Variants in FBXO11 observed in about 807,000 individuals in gnomAD.
FBXO11 encodes the protein F-box only protein 11.
Under a neutral mutation model 117.0 loss-of-function variants are expected in FBXO11, and 13 were observed. That is an observed-to-expected ratio of 0.11 (90% CI 0.07 to 0.18). The LOEUF (loss-of-function observed/expected upper bound fraction) is 0.18, where lower values mean the gene tolerates loss of function less well. FBXO11 is among the 10% of genes least tolerant of loss of function. The pLI, the probability that FBXO11 is intolerant of heterozygous loss-of-function variation, is 1.00. For synonymous variants in FBXO11, 490 were observed against 380.5 expected (o/e 1.29, Z -3.35); for missense variants, 767 against 1,164.4 (o/e 0.66, Z 4.97).
chr2:47,887,195 T>G (rs115106737), intron 1 of FBXO11, among the ~76,000 whole-genome samples: 22,808 of 148,042 alleles, frequency 0.15, 1,860 homozygotes, highest in Non-Finnish European at 0.18. Context: ...TGAGGCAAGA[T>G]AATCACTTCA....
intron 1 of FBXO11, among the ~76,000 whole-genome samples, chr2:47,880,287 G>T (rs1483562421): frequency 6.6e-6 from 1 of 152,112 alleles, no homozygotes; most frequent in African/African-American, 2.4e-5. Context: ...TAATGTAATA[G>T]AATTTATCAT....
At chr2:47,892,971 G>A (rs893046988) in intron 1 of FBXO11, among the ~76,000 whole-genome samples, 2 of 151,904 alleles carry the variant, frequency 1.3e-5, no homozygotes, top group East Asian at 3.9e-4. Flanking sequence ...TGGTTCACAT[G>A]GTGAAACCCT....
At chr2:47,873,282 G>C (rs913091218) in intron 1 of FBXO11, among the ~76,000 whole-genome samples, 1 of 152,130 alleles carries the variant, frequency 6.6e-6, no homozygotes, top group Non-Finnish European at 1.5e-5. Flanking sequence ...TCTGTATCTG[G>C]TATTTCTCTC....
At chr2:47,897,673 G>T (rs555178967) in intron 1 of FBXO11, among the ~76,000 whole-genome samples, 2 of 148,380 alleles carry the variant, frequency 1.3e-5, no homozygotes, top group East Asian at 1.9e-4. Flanking sequence ...CTCCAGCCTG[G>T]GTGACAGAGT....
intron 1 of FBXO11, among the ~76,000 whole-genome samples, chr2:47,846,144 T>G (rs924454941): frequency 3.3e-5 from 5 of 152,186 alleles, no homozygotes; most frequent in Admixed American, 2.6e-4. Context: ...AGTTATGGTT[T>G]TGTGCCAACA....
intron 1 of FBXO11, among the ~76,000 whole-genome samples, chr2:47,864,460 G>A (rs1199273952): frequency 1.3e-5 from 2 of 152,104 alleles, no homozygotes; most frequent in African/African-American, 2.4e-5. Flanking sequence ...GGTGGTGCAT[G>A]CCTGTAATCT....
intron 1 of FBXO11, among the ~76,000 whole-genome samples, chr2:47,876,551 T>A (rs1298156775): frequency 6.6e-6 from 1 of 152,216 alleles, no homozygotes; most frequent in African/African-American, 2.4e-5. Flanking sequence ...TTATATTCCT[T>A]ATACATTCGG....
chr2:47,881,572 A>C (rs756724256), intron 1 of FBXO11, among the ~76,000 whole-genome samples: 1 of 152,136 alleles, frequency 6.6e-6, no homozygotes, highest in African/African-American at 2.4e-5. Context: ...TGTTTCTTTT[A>C]AAGTGCTGAA....
At chr2:47,809,746 A>ATAC in intron 19 of FBXO11, 39 bp from the exon 20 acceptor site, 1 of 1,353,772 alleles carries the variant, frequency 7.4e-7, no homozygotes, top group Non-Finnish European at 1.0e-6. Context: ...ACATCACTTT[A>ATAC]TACTGCTTCT....
chr2:47,898,166 G>T (rs1023231156), intron 1 of FBXO11, among the ~76,000 whole-genome samples: 1 of 152,248 alleles, frequency 6.6e-6, no homozygotes, highest in East Asian at 1.9e-4. Context: ...CTTATTCGGG[G>T]TGTTTAAAAA....
Position 47,839,077 on chromosome 2 carries a change from T to C in FBXO11, c.443-74A>G, listed in dbSNP as rs561516787. ...ATTATTTAAAGAACACAGTTTTCATTTTATCTAATGAATAGCTTTTTTTTT... is the reference window on the plus strand; with the variant it reads ...ATTATTTAAAGAACACAGTTTTCATCTTATCTAATGAATAGCTTTTTTTTT... On this transcript the variant is annotated intron_variant, in intron 3 of 22. Transcript: ENST00000403359. 68 of 1,480,458 alleles carry C rather than the reference T, an allele frequency of 4.6e-5. No individual in the cohort carries two copies. In the African/African-American group the frequency reaches 8.7e-4, roughly 19 times the overall value. 91.7% of individuals were successfully genotyped at this position (1,480,458 alleles called of 1,614,324 possible).
chr2:47,900,228 T>C (rs1269409618), intron 1 of FBXO11, among the ~76,000 whole-genome samples: 1 of 152,144 alleles, frequency 6.6e-6, no homozygotes, highest in East Asian at 1.9e-4. Context: ...AGGCTCTTTT[T>C]ACAGCTCCCA....
intron 1 of FBXO11, among the ~76,000 whole-genome samples, chr2:47,904,271 T>TCTC (rs1169705742): frequency 6.6e-6 from 1 of 152,148 alleles, no homozygotes; most frequent in Admixed American, 6.5e-5. Flanking sequence ...TCCTAACAAT[T>TCTC]CTCCTCCTCC....
chr2:47,829,344 G>A (rs370867517), intron 11 of FBXO11, among the ~76,000 whole-genome samples: 3 of 152,032 alleles, frequency 2.0e-5, no homozygotes, highest in East Asian at 3.9e-4. Context: ...GGATTCAAGC[G>A]ATTCTCTTGC....
intron 1 of FBXO11, among the ~76,000 whole-genome samples, chr2:47,852,371 C>G (rs1436778375): frequency 4.6e-5 from 7 of 152,132 alleles, no homozygotes; most frequent in Non-Finnish European, 1.0e-4. Flanking sequence ...ATCATCAGCT[C>G]TTTACCAGTC....
At chr2:47,837,220 A>AT (rs1273091110) in intron 4 of FBXO11, among the ~76,000 whole-genome samples, 1 of 151,878 alleles carries the variant, frequency 6.6e-6, no homozygotes, top group Non-Finnish European at 1.5e-5. Flanking sequence ...CTCCTTTGTA[A>AT]TTTTTCTCTT....
chr2:47,889,117 C>T (rs1047072016), intron 1 of FBXO11, among the ~76,000 whole-genome samples: 9 of 152,092 alleles, frequency 5.9e-5, no homozygotes, highest in African/African-American at 2.2e-4. Flanking sequence ...TTATAAGTTA[C>T]AGTTTCCATA....
chr2:47,848,206 AAAGCAGAG>A (rs1268732747), intron 1 of FBXO11, among the ~76,000 whole-genome samples: 1 of 152,130 alleles, frequency 6.6e-6, no homozygotes, highest in Non-Finnish European at 1.5e-5. Flanking sequence ...CAGTTCTCTT[AAAGCAGAG>A]ATCCCCAACC....
chr2:47,858,207 G>A (rs1325823938), intron 1 of FBXO11, among the ~76,000 whole-genome samples: 3 of 151,716 alleles, frequency 2.0e-5, no homozygotes, highest in Non-Finnish European at 1.5e-5. Context: ...CCAAGGTTTC[G>A]CCATGTTGGC....
Sources: allele counts gnomAD v4.1 joint callset (sites outside exome capture counted in the v4.1 genomes callset), GRCh38; gene constraint gnomAD v4.1.1; transcripts MANE v1.5; gene names NCBI Gene and HGNC (gene_info 2026-07-23, HGNC 2026-07-21).